Variants in CASTOR2 observed in about 807,000 individuals in gnomAD.
CASTOR2 encodes GATS protein like 2.
A neutral mutation model predicts 31.2 loss-of-function variants in CASTOR2; 8 were observed. The observed-to-expected ratio is 0.26, with a 90% CI of 0.15 to 0.46. CASTOR2 has a LOEUF of 0.46. Ranked by LOEUF, CASTOR2 falls within the 20% of genes least tolerant of loss-of-function variation. The probability of loss-of-function intolerance (pLI) is 0.99; values close to 1 mark genes in which losing one functional copy is unlikely to be tolerated. For synonymous variants in CASTOR2, 162 were observed against 158.7 expected (o/e 1.02, Z -0.16); for missense variants, 216 against 382.1 (o/e 0.57, Z 3.62).
At chr7:75,009,242 C>T (rs1219909601) in intron 2 of CASTOR2, among the ~76,000 whole-genome samples, 2 of 150,176 alleles carry the variant, frequency 1.3e-5, no homozygotes, top group African/African-American at 2.5e-5. Flanking sequence ...AGGCATGAGC[C>T]ACCTTGCCTG....
intron 1 of CASTOR2, among the ~76,000 whole-genome samples, chr7:75,007,463 A>G (rs1804633399): frequency 6.6e-6 from 1 of 152,138 alleles, no homozygotes; most frequent in Non-Finnish European, 1.5e-5. Flanking sequence ...GGATGGCTGC[A>G]TTCCTCTCTC....
chr7:74,994,610 C>T (rs1379213073), intron 1 of CASTOR2, among the ~76,000 whole-genome samples: 1 of 151,936 alleles, frequency 6.6e-6, no homozygotes, highest in African/African-American at 2.4e-5. Flanking sequence ...ATTAGCCGGG[C>T]GTGGTGGCAG....
chr7:74,992,202 G>A (rs1436960004), intron 1 of CASTOR2, among the ~76,000 whole-genome samples: 3 of 152,052 alleles, frequency 2.0e-5, no homozygotes, highest in Non-Finnish European at 4.4e-5. Flanking sequence ...GTCCTGTCTC[G>A]TGCAAAGTGT....
At position 75,028,208 on chromosome 7, in the gene CASTOR2, C is replaced by T; in HGVS notation, c.*3509C>T. ...TCTCAGCTCACTGCAGCAACCTCCA[C>T]TTCCTGGGTTCAAGCGAGTCTCCTA... On this transcript the variant is annotated 3_prime_UTR_variant, in exon 9 of 9. Coordinates refer to ENST00000616305, the MANE Select transcript of CASTOR2 (RefSeq NM_001145064.3). 1 of 865,202 alleles carries T rather than the reference C, an allele frequency of 1.2e-6. No individual in the cohort carries two copies. The allele number at this position is 865,202 out of a possible 1,614,324, so 53.6% of individuals were successfully genotyped here.
chr7:74,999,918 C>T (rs1804454498), intron 1 of CASTOR2, among the ~76,000 whole-genome samples: 1 of 152,156 alleles, frequency 6.6e-6, no homozygotes, highest in African/African-American at 2.4e-5. Flanking sequence ...CGGCCACTCA[C>T]TGCGTGTTTT....
intron 1 of CASTOR2, among the ~76,000 whole-genome samples, chr7:74,986,094 A>AT (rs1314798543): frequency 3.3e-5 from 5 of 151,796 alleles, no homozygotes; most frequent in Admixed American, 6.6e-5. Context: ...AACCCAGCTA[A>AT]TTTTTTTGTA....
Position 74,968,241 on chromosome 7 carries a change from AGCTAATGATAGC to A in CASTOR2, c.113+3156_113+3167del, listed in dbSNP as rs1228089196. Reference sequence around the variant, plus strand: ...AGTAAATTCCTATTCAGTCCTCAAGAGCTAATGATAGCGCTAATGATAGCACGCTGAAACCTT... The same window carrying A: ...AGTAAATTCCTATTCAGTCCTCAAGAGCTAATGATAGCACGCTGAAACCTT... On this transcript the variant is annotated intron_variant, in intron 1 of 8. Coordinates refer to ENST00000616305, the MANE Select transcript of CASTOR2 (RefSeq NM_001145064.3). Among the ~76,000 whole-genome samples, 8 of 150,180 alleles carry A rather than the reference AGCTAATGATAGC, an allele frequency of 5.3e-5. No homozygotes were observed. In the East Asian group the frequency reaches 9.8e-4, roughly 18 times the overall value.
intron 1 of CASTOR2, among the ~76,000 whole-genome samples, chr7:74,986,605 C>T (rs1804072821): frequency 6.6e-6 from 1 of 152,196 alleles, no homozygotes; most frequent in Non-Finnish European, 1.5e-5. Context: ...TCAGATACTG[C>T]CTGTGGTGCT....
At chr7:75,019,149 C>G in intron 5 of CASTOR2, 54 bp downstream of exon 5, 1 of 1,551,556 alleles carries the variant, frequency 6.4e-7, no homozygotes, top group Non-Finnish European at 8.7e-7. Flanking sequence ...AGAGGCATGG[C>G]TCCGCCTAGG....
At chr7:75,002,810 C>T (rs1804526552) in intron 1 of CASTOR2, among the ~76,000 whole-genome samples, 1 of 151,794 alleles carries the variant, frequency 6.6e-6, no homozygotes, top group South Asian at 2.1e-4. Flanking sequence ...ACATGGGGTC[C>T]TGTGGAGTGG....
At chr7:74,997,806 G>A (rs1180729990) in intron 1 of CASTOR2, among the ~76,000 whole-genome samples, 4 of 152,088 alleles carry the variant, frequency 2.6e-5, no homozygotes, top group Admixed American at 2.6e-4. Flanking sequence ...CAATGTCTGG[G>A]GACTTGTTTT....
chr7:75,024,957 A>T lies in CASTOR2; in HGVS notation c.*258A>T, dbSNP rs1645667810. 6.6e-6 allele frequency among the ~76,000 whole-genome samples: 1 copy of T among 152,174 alleles called. No homozygotes were observed. Among genetic ancestry groups the T allele is most frequent in the Non-Finnish European group, 1.5e-5 (1 of 68,004 alleles). ...TCTTCCCTACCTCCCCCACCCCGGAAAATGCTTTCGGAGGCCCAGGGAGCT... is the reference window on the plus strand; with the variant it reads ...TCTTCCCTACCTCCCCCACCCCGGATAATGCTTTCGGAGGCCCAGGGAGCT... On this transcript the variant is annotated 3_prime_UTR_variant, in exon 9 of 9. Transcript: ENST00000616305.
intron 1 of CASTOR2, among the ~76,000 whole-genome samples, chr7:74,967,427 A>G (rs1803589588): frequency 6.8e-6 from 1 of 147,878 alleles, no homozygotes; most frequent in African/African-American, 2.5e-5. Flanking sequence ...TGTTCCTGCA[A>G]TCCCTGCCCC....
intron 2 of CASTOR2, among the ~76,000 whole-genome samples, chr7:75,014,064 T>C (rs1340832321): frequency 9.2e-5 from 14 of 152,128 alleles, no homozygotes; most frequent in African/African-American, 3.4e-4. Flanking sequence ...TGTGCAGTGC[T>C]AGGTGTCCTG....
At chr7:74,987,709 T>G (rs1804105093) in intron 1 of CASTOR2, among the ~76,000 whole-genome samples, 1 of 152,128 alleles carries the variant, frequency 6.6e-6, no homozygotes, top group South Asian at 2.1e-4. Flanking sequence ...TGGTTTTCTT[T>G]TTTTCTTTTA....
chr7:74,998,765 G>T (rs1249116649), intron 1 of CASTOR2, among the ~76,000 whole-genome samples: 1 of 151,902 alleles, frequency 6.6e-6, no homozygotes, highest in East Asian at 1.9e-4. Flanking sequence ...TTTGCACCAA[G>T]ACCTGACAAG....
At chr7:74,977,955 A>C (rs1468957781) in intron 1 of CASTOR2, among the ~76,000 whole-genome samples, 1 of 150,638 alleles carries the variant, frequency 6.6e-6, no homozygotes, top group African/African-American at 2.4e-5. Context: ...CTGGGATTAC[A>C]GGTGTGAGCT....
intron 1 of CASTOR2, among the ~76,000 whole-genome samples, chr7:74,978,099 C>A (rs1339446817): frequency 6.7e-6 from 1 of 150,336 alleles, no homozygotes; most frequent in African/African-American, 2.4e-5. Flanking sequence ...TGCTTGCACA[C>A]CCCAATTTTT....
intron 1 of CASTOR2, among the ~76,000 whole-genome samples, chr7:74,967,536 C>CT (rs1185507666): frequency 0.018 from 805 of 43,516 alleles, 40 homozygotes; most frequent in African/African-American, 0.041. Context: ...CACCTGTTTA[C>CT]TTTTTTTTTT....
Sources: gnomAD v4.1 joint callset for allele counts (sites outside exome capture counted in the v4.1 genomes callset) on GRCh38, gnomAD v4.1.1 for gene constraint, MANE v1.5 for transcripts, NCBI Gene and HGNC (gene_info 2026-07-23, HGNC 2026-07-21) for gene names.